The following TOX4 variants were observed in gnomAD, a reference collection of about 807,000 sequenced individuals.
TOX4 encodes the protein TOX high mobility group box family member 4.
Under a neutral mutation model 61.0 loss-of-function variants are expected in TOX4, and 12 were observed. The observed-to-expected ratio is 0.20, with a 90% confidence interval of 0.13 to 0.32. The LOEUF is 0.32. TOX4 is among the 10% of genes least tolerant of loss of function. The probability of loss-of-function intolerance (pLI) is 1.00; values close to 1 mark genes in which losing one functional copy is unlikely to be tolerated. For missense variants in TOX4, 499 were observed against 753.3 expected (o/e 0.66, Z 3.95); for synonymous variants, 268 against 274.8 (o/e 0.98, Z 0.24).
At position 21,493,103 on chromosome 14, in the gene TOX4, T is replaced by C. The variant is rs1891328043; in HGVS notation, c.1487T>C (p.Val496Ala). Reference sequence around the variant, plus strand: ...CCTCCTCCTCTGCAGATCAAGAGTGTGCCTCTACCCACTTTGAAAATGCAG... The same window carrying C: ...CCTCCTCCTCTGCAGATCAAGAGTGCGCCTCTACCCACTTTGAAAATGCAG... ...QQPPPLQIKS[V>A]PLPTLKMQTT... Residue 496 changes from valine to alanine, a missense_variant, in exon 7 of 9, where the codon GTG becomes GCG. By Grantham distance (64) the Val-to-Ala change is moderately conservative. This residue lies in a region of TOX4 where 296 missense variants were observed against 404.7 expected (regional missense o/e 0.73). Coordinates refer to ENST00000448790, the MANE Select transcript of TOX4 (RefSeq NM_014828.4). The C allele has an allele frequency of 2.5e-6, 4 of 1,614,164 alleles. No homozygotes were observed. In the East Asian group the frequency reaches 8.9e-5, roughly 36 times the overall value.
Position 21,484,759 on chromosome 14 carries a change from A to G in TOX4, c.76-2692A>G, listed in dbSNP as rs1250816373. 5.7e-5 allele frequency among the ~76,000 whole-genome samples: 6 copies of G among 105,766 alleles called. 2 individuals are homozygous for G. Among genetic ancestry groups the G allele is most frequent in the African/African-American group, 2.1e-4 (6 of 28,086 alleles). The allele number at this position is 105,766 out of a possible 152,430, so 69.4% of individuals were successfully genotyped here. A position where few individuals can be genotyped will look rare whatever the true frequency, so the allele number is the denominator to read the frequency against. ...CTGTGACCTCTGACTCCTGAGTTCA[A>G]GTGATCCTCGTGCCTCAGCCTCTCG... On this transcript the variant is annotated intron_variant, in intron 2 of 8. Transcript: ENST00000448790.
chr14:21,489,038 C>T, intron 4 of TOX4, 135 bp from the exon 5 acceptor site: 5 of 1,223,192 alleles, frequency 4.1e-6, no homozygotes, highest in Non-Finnish European at 5.6e-6. Flanking sequence ...ATTGGTTCTC[C>T]ATATTTGACT....
rs371296267 is a variant in TOX4, at chr14:21,492,383, G to C, written c.891+7G>C. 13 of 1,613,584 alleles carry C rather than the reference G, an allele frequency of 8.1e-6. No individual in the cohort carries two copies. The highest frequency in any genetic ancestry group is 1.0e-5 in the Non-Finnish European group (12 of 1,179,902). On this transcript the variant is annotated splice_region_variant and intron_variant, in intron 6 of 8. Transcript: ENST00000448790. ...AGACAACCAGGAGTGTCAGGTAAGA[G>C]GGATAGGATAGAATGAATATTTAAA...
At chr14:21,490,368 A>G (rs1355422259) in intron 5 of TOX4, among the ~76,000 whole-genome samples, 3 of 151,684 alleles carry the variant, frequency 2.0e-5, no homozygotes, top group African/African-American at 7.3e-5. Context: ...CCAGCTACTC[A>G]GGCGGCTGAG....
intron 5 of TOX4, 37 bp from the exon 6 acceptor site, chr14:21,492,259 G>T (rs1594430722): frequency 6.6e-7 from 1 of 1,517,976 alleles, no homozygotes; most frequent in Non-Finnish European, 9.0e-7. Context: ...AGAGTATGGG[G>T]AGTTTTGTTT....
chr14:21,489,441 G>C, intron 5 of TOX4, 38 bp downstream of exon 5: 1 of 1,559,104 alleles, frequency 6.4e-7, no homozygotes, highest in South Asian at 1.2e-5. Flanking sequence ...GAATGTTCCA[G>C]AAGTTTTTAA....
At chr14:21,482,024 T>G (rs74034927) in intron 2 of TOX4, among the ~76,000 whole-genome samples, 4,180 of 152,324 alleles carry the variant, frequency 0.027, 207 homozygotes, top group African/African-American at 0.095. Flanking sequence ...ACACTTAAAA[T>G]TTATGTACCT....
intron 8 of TOX4, 126 bp downstream of exon 8, chr14:21,495,518 C>T: frequency 8.6e-7 from 1 of 1,161,600 alleles, no homozygotes; most frequent in Non-Finnish European, 1.2e-6. Flanking sequence ...GTTGCTGTAT[C>T]TGGTCTACTA....
Position 21,492,362 on chromosome 14 carries a change from A to C in TOX4, c.877A>C (p.Asn293His). ...GAAGGCACTGGCTGCTTACAAAGAC[A>C]ACCAGGAGTGTCAGGTAAGAGGGAT... ...YLKALAAYKD[N>H]QECQATVETV... The change falls in exon 6 of 9, where the codon AAC becomes CAC. Residue 293 changes from asparagine to histidine, a missense_variant. Coordinates refer to ENST00000448790, the MANE Select transcript of TOX4 (RefSeq NM_014828.4). 2 of 1,614,166 alleles carry C rather than the reference A, an allele frequency of 1.2e-6. No homozygotes were observed. The highest frequency in any genetic ancestry group is 1.6e-4 in the Middle Eastern group (1 of 6,062).
rs755127069 is a variant in TOX4, at chr14:21,492,850, C to T, written c.1234C>T (p.Pro412Ser). ...LGQTSTATIQ[P>S]SQQAQIVTRS... ...CCAAACCAGTACAGCTACTATCCAGCCCAGTCAACAAGCCCAGATTGTCAC... is the reference window on the plus strand; with the variant it reads ...CCAAACCAGTACAGCTACTATCCAGTCCAGTCAACAAGCCCAGATTGTCAC... Residue 412 changes from proline (P) to serine (S), a missense_variant, in exon 7 of 9, where the codon CCC (proline) becomes TCC (serine). Transcript: ENST00000448790. 29 of 1,613,552 alleles carry T rather than the reference C, an allele frequency of 1.8e-5. 1 individual carries two copies. The South Asian group carries it at 2.6e-4, about 15-fold the overall frequency.
intron 2 of TOX4, among the ~76,000 whole-genome samples, chr14:21,481,826 G>A (rs1397349698): frequency 1.3e-5 from 2 of 152,088 alleles, no homozygotes; most frequent in Non-Finnish European, 2.9e-5. Context: ...TAAAAGAGAA[G>A]ACACTATATT....
chr14:21,482,757 T>G (rs1891128256), intron 2 of TOX4: 2 of 257,980 alleles, frequency 7.8e-6, no homozygotes, highest in Non-Finnish European at 1.6e-5. Context: ...TAAGTTTAGG[T>G]ATTCATTTTT....
At chr14:21,481,723 G>T (rs1188437303) in intron 2 of TOX4, among the ~76,000 whole-genome samples, 4 of 152,160 alleles carry the variant, frequency 2.6e-5, no homozygotes, top group Non-Finnish European at 5.9e-5. Context: ...TGGTGTATTT[G>T]TGAAAAGGAA....
At chr14:21,481,774 G>C (rs1891111098) in intron 2 of TOX4, among the ~76,000 whole-genome samples, 1 of 152,162 alleles carries the variant, frequency 6.6e-6, no homozygotes, top group Admixed American at 6.6e-5. Flanking sequence ...AATGCAATTG[G>C]ATAATCTAAA....
chr14:21,496,740 T>C lies in TOX4; in HGVS notation c.*134T>C. On this transcript the variant is annotated 3_prime_UTR_variant, in exon 9 of 9. Coordinates refer to ENST00000448790, the MANE Select transcript of TOX4 (RefSeq NM_014828.4). ...ATGGCTGTTCATGTTTCACCCCTTT[T>C]CTTCCTTCAGCAGAGGCCAGGCTAT... The C allele has an allele frequency of 1.3e-6, 1 of 745,404 alleles. No homozygotes were observed. Among genetic ancestry groups the C allele is most frequent in the South Asian group, 1.7e-5 (1 of 58,890 alleles). 46.2% of individuals were successfully genotyped at this position (745,404 alleles called of 1,614,324 possible).
Position 21,492,342 on chromosome 14 carries a change from C to T in TOX4, c.857C>T (p.Ala286Val). 1 of 1,613,776 alleles carries T rather than the reference C, an allele frequency of 6.2e-7. No homozygotes were observed. Among genetic ancestry groups the T allele is most frequent in the Non-Finnish European group, 8.5e-7 (1 of 1,179,950 alleles). ...TEAAKKEYLK[A>V]LAAYKDNQEC... ...GCTGCCAAGAAAGAGTATCTGAAGG[C>T]ACTGGCTGCTTACAAAGACAACCAG... Residue 286 changes from alanine to valine, a missense_variant, in exon 6 of 9, where the codon GCA becomes GTA. Ala to Val is a moderately conservative substitution (Grantham distance 64). This residue lies in a region of TOX4 where 15 missense variants were observed against 80.2 expected (regional missense o/e 0.19). Transcript: ENST00000448790.
intron 2 of TOX4, among the ~76,000 whole-genome samples, chr14:21,486,956 C>T (rs1157573847): frequency 6.6e-6 from 1 of 152,188 alleles, no homozygotes; most frequent in African/African-American, 2.4e-5. Context: ...GTTCCCATGA[C>T]AGTACATTTT....
Position 21,477,201 on chromosome 14 carries a change from G to C in TOX4, c.-78G>C. On this transcript the variant is annotated 5_prime_UTR_variant, in exon 1 of 9. Coordinates refer to ENST00000448790, the MANE Select transcript of TOX4 (RefSeq NM_014828.4). The stretch of plus-strand genomic sequence containing the variant: ...AGCAGAGAGAACACACGTCCTTGCG[G>C]AAGTGACGGCAGTTCCGAGTCCAGT... 1.2e-6 allele frequency: 2 copies of C among 1,612,584 alleles called. No individual in the cohort carries two copies. The highest frequency in any genetic ancestry group is 1.7e-6 in the Non-Finnish European group (2 of 1,178,586).
chr14:21,492,414 A>G (rs1891310408), intron 6 of TOX4, 38 bp downstream of exon 6: 1 of 1,610,972 alleles, frequency 6.2e-7, no homozygotes, highest in Non-Finnish European at 8.5e-7. Flanking sequence ...TTAAACCAGT[A>G]AGAAGTTTTT....
Sources: allele counts gnomAD v4.1 joint callset (sites outside exome capture counted in the v4.1 genomes callset), GRCh38; gene constraint gnomAD v4.1.1; regional missense constraint gnomAD v4.1.1; transcripts MANE v1.5; gene names NCBI Gene and HGNC (gene_info 2026-07-23, HGNC 2026-07-21).